Variants in MAGI1 observed in about 807,000 individuals in gnomAD.
MAGI1 encodes membrane-associated guanylate kinase, WW and PDZ domain-containing protein 1.
MAGI1 carries 58 observed loss-of-function variants against 139.9 expected under a neutral mutation model. The observed-to-expected ratio is 0.41, with a 90% CI of 0.34 to 0.52. The LOEUF (loss-of-function observed/expected upper bound fraction) is 0.52, where lower values mean the gene tolerates loss of function less well. Among genes scored for constraint, MAGI1 ranks in the 20% least tolerant of loss-of-function variants. The pLI, the probability that MAGI1 is intolerant of heterozygous loss-of-function variation, is 0.12. For missense variants in MAGI1, 1,874 were observed against 1,901.6 expected (o/e 0.99, Z 0.27); for synonymous variants, 812 against 737.9 (o/e 1.10, Z -1.63).
intron 1 of MAGI1, among the ~76,000 whole-genome samples, chr3:65,944,412 A>C (rs2063461666): frequency 6.6e-6 from 1 of 152,068 alleles, no homozygotes; most frequent in African/African-American, 2.4e-5. Context: ...TAGCTGCTCG[A>C]GAGGCTGAGG....
Position 65,607,335 on chromosome 3 carries a change from C to T in MAGI1, c.430+14637G>A, listed in dbSNP as rs76111633. ...TCCCTGAAACTGCTATTGTATATGC[C>T]CCTGAAGCAACTTTCCAACAGGCAA... On this transcript the variant is annotated intron_variant, in intron 2 of 22. Transcript: ENST00000402939. 6.8e-3 allele frequency among the ~76,000 whole-genome samples: 1,033 copies of T among 151,828 alleles called. 63 individuals carry two copies. The East Asian group carries it at 0.16, about 23-fold the overall frequency.
chr3:65,447,166 G>A (rs12635983), intron 7 of MAGI1, among the ~76,000 whole-genome samples: 43,772 of 152,034 alleles, frequency 0.29, 7,483 homozygotes, highest in East Asian at 0.7. Flanking sequence ...TCCATCAGCC[G>A]AGGCTTTCAT....
chr3:65,706,942 A>T (rs182795453), intron 1 of MAGI1, among the ~76,000 whole-genome samples: 28 of 152,326 alleles, frequency 1.8e-4, no homozygotes, highest in African/African-American at 6.5e-4. Flanking sequence ...TCCATCTCAC[A>T]AGACATAAAC....
At chr3:65,604,626 C>T (rs2082647881) in intron 2 of MAGI1, among the ~76,000 whole-genome samples, 2 of 151,414 alleles carry the variant, frequency 1.3e-5, no homozygotes, top group South Asian at 4.2e-4. Context: ...CTTTGATTTC[C>T]ATCATATAAG....
rs148288861 is a variant in MAGI1, at chr3:65,581,500, C to T, written c.430+40472G>A. ...TCATCTTCTAGTACTTTCACTTCCT[C>T]TGCTCACTTTGTCCCAGCCACACTG... On this transcript the variant is annotated intron_variant, in intron 2 of 22. Coordinates refer to ENST00000402939, the MANE Select transcript of MAGI1 (RefSeq NM_001033057.2). 1.3e-4 allele frequency among the ~76,000 whole-genome samples: 20 copies of T among 152,278 alleles called. No homozygotes were observed. In the East Asian group the frequency reaches 3.5e-3, roughly 27 times the overall value.
intron 2 of MAGI1, among the ~76,000 whole-genome samples, chr3:65,613,092 T>C (rs1473773897): frequency 6.6e-6 from 1 of 152,102 alleles, no homozygotes; most frequent in African/African-American, 2.4e-5. Flanking sequence ...GGCAGAAAAA[T>C]AAACCAAGAG....
intron 1 of MAGI1, among the ~76,000 whole-genome samples, chr3:65,693,113 T>A (rs78461896): frequency 0.017 from 2,527 of 152,172 alleles, 81 homozygotes; most frequent in African/African-American, 0.058. Context: ...TTTTATTTTT[T>A]AAAAAAATTT....
At chr3:65,368,193 A>G (rs1941622655) in intron 18 of MAGI1, among the ~76,000 whole-genome samples, 1 of 152,214 alleles carries the variant, frequency 6.6e-6, no homozygotes, top group Admixed American at 6.5e-5. Flanking sequence ...CTGAAACAAG[A>G]GTATGAGTCT....
intron 1 of MAGI1, among the ~76,000 whole-genome samples, chr3:65,759,836 A>T (rs1285091377): frequency 6.6e-6 from 1 of 152,126 alleles, no homozygotes; most frequent in Admixed American, 6.6e-5. Flanking sequence ...AAGATTCAAA[A>T]GGGGGCCCAT....
At chr3:65,553,110 T>C (rs982448415) in intron 2 of MAGI1, among the ~76,000 whole-genome samples, 2 of 151,716 alleles carry the variant, frequency 1.3e-5, no homozygotes, top group African/African-American at 2.4e-5. Context: ...ACTGCATTAA[T>C]ACCATTCTAT....
At chr3:65,401,793 G>A (rs1944918324) in intron 12 of MAGI1, 2 of 1,345,330 alleles carry the variant, frequency 1.5e-6, no homozygotes, top group East Asian at 6.5e-5. Context: ...ATGCTCTTCT[G>A]GATTAAGAGA....
At chr3:65,926,716 C>T (rs898014364) in intron 1 of MAGI1, among the ~76,000 whole-genome samples, 13 of 152,110 alleles carry the variant, frequency 8.5e-5, no homozygotes, top group African/African-American at 3.1e-4. Context: ...AAATGGGGGC[C>T]GGGCGTGGTG....
chr3:65,946,040 T>C (rs1043900505), intron 1 of MAGI1, among the ~76,000 whole-genome samples: 2 of 152,176 alleles, frequency 1.3e-5, no homozygotes, highest in South Asian at 2.1e-4. Context: ...CTAATTTATG[T>C]TTTACTTAAG....
intron 1 of MAGI1, among the ~76,000 whole-genome samples, chr3:65,989,907 G>A (rs1560087875): frequency 6.6e-6 from 1 of 152,144 alleles, no homozygotes; most frequent in East Asian, 1.9e-4. Context: ...AAAGTTAGCT[G>A]TCATATAAAA....
At chr3:65,855,620 A>AGAGAGGGGAGGG (rs1559946806) in intron 1 of MAGI1, among the ~76,000 whole-genome samples, 15 of 6,896 alleles carry the variant, frequency 2.2e-3, no homozygotes, top group Non-Finnish European at 2.8e-3. Flanking sequence ...GATGGGGAGG[A>AGAGAGGGGAGGG]GAGAGGGGAG....
chr3:65,922,895 A>G (rs1368972368), intron 1 of MAGI1, among the ~76,000 whole-genome samples: 1 of 152,222 alleles, frequency 6.6e-6, no homozygotes, highest in Non-Finnish European at 1.5e-5. Flanking sequence ...ACTTACAACT[A>G]TGTCTATGAG....
chr3:65,967,476 C>A (rs1576297509), intron 1 of MAGI1, among the ~76,000 whole-genome samples: 1 of 152,110 alleles, frequency 6.6e-6, no homozygotes, highest in East Asian at 1.9e-4. Context: ...AAAAAGTAAC[C>A]CAGTTAAAAT....
intron 1 of MAGI1, among the ~76,000 whole-genome samples, chr3:65,982,766 A>C (rs1322456809): frequency 6.6e-6 from 1 of 152,184 alleles, no homozygotes; most frequent in Non-Finnish European, 1.5e-5. Flanking sequence ...AGTAGGCACC[A>C]GTGCCAAAAA....
chr3:65,360,052 C>T (rs1455616019), intron 22 of MAGI1: 14 of 985,356 alleles, frequency 1.4e-5, no homozygotes, highest in Non-Finnish European at 1.7e-5. Flanking sequence ...AATACCCACC[C>T]TCCCCCTGTA....
Sources: gnomAD v4.1 joint callset for allele counts (sites outside exome capture counted in the v4.1 genomes callset) on GRCh38, gnomAD v4.1.1 for gene constraint, MANE v1.5 for transcripts, NCBI Gene and HGNC (gene_info 2026-07-23, HGNC 2026-07-21) for gene names.